The following MIA2 variants were observed in gnomAD, a reference collection of about 807,000 sequenced individuals.
MIA2 encodes MIA SH3 domain ER export factor 2.
A neutral mutation model predicts 167.8 loss-of-function variants in MIA2; 127 were observed. The observed-to-expected ratio is 0.76, with a 90% CI of 0.66 to 0.88. MIA2 has a LOEUF of 0.88. Among genes scored for constraint, MIA2 ranks in the 40% least tolerant of loss-of-function variants. MIA2 has a pLI of 0.00. For missense variants in MIA2, 1,690 were observed against 1,624.7 expected, an observed-to-expected ratio of 1.04 and a Z score of -0.69; for synonymous variants, 552 against 541.9, an observed-to-expected ratio of 1.02 and a Z score of -0.26.
intron 19 of MIA2, among the ~76,000 whole-genome samples, chr14:39,313,936 A>T (rs1439877220): frequency 6.6e-6 from 1 of 152,208 alleles, no homozygotes; most frequent in Non-Finnish European, 1.5e-5. Context: ...AGAAAAAAAG[A>T]TTCAGCAGTA....
intron 23 of MIA2, among the ~76,000 whole-genome samples, chr14:39,382,123 C>T (rs551698969): frequency 1.3e-4 from 20 of 152,288 alleles, no homozygotes; most frequent in Admixed American, 2.6e-4. Context: ...TGCTCTCCAT[C>T]GTCAGGGAAG....
chr14:39,365,247 G>A (rs2074794490), intron 23 of MIA2, among the ~76,000 whole-genome samples: 1 of 151,996 alleles, frequency 6.6e-6, no homozygotes, highest in Admixed American at 6.6e-5. Context: ...TGTATCTTTA[G>A]TAGAGACGGG....
In MIA2 at chr14:39,247,551, G is replaced by A; in HGVS notation, c.977G>A (p.Gly326Glu). ...SYLGFGDEDT[G>E]LELIAEESNP... ...TTAGGTTTTGGAGATGAGGATACAG[G>A]GCTTGAATTAATAGCTGAAGAAAGC... Residue 326 changes from glycine (G) to glutamate (E), a missense_variant, in exon 4 of 29, where the codon GGG becomes GAG. By Grantham distance (98) the Gly-to-Glu change is moderately conservative. Transcript: ENST00000640607. 1 of 1,613,964 alleles carries A rather than the reference G, an allele frequency of 6.2e-7. No homozygotes were observed. Among genetic ancestry groups the A allele is most frequent in the South Asian group, 1.1e-5 (1 of 91,060 alleles).
At chr14:39,330,943 TG>T (rs1244421444) in intron 25 of MIA2, among the ~76,000 whole-genome samples, 1 of 152,124 alleles carries the variant, frequency 6.6e-6, no homozygotes. Context: ...TTTGTTGATT[TG>T]GGGTGGAGAG....
At chr14:39,263,369 C>T (rs910006415) in intron 6 of MIA2, among the ~76,000 whole-genome samples, 28 of 149,424 alleles carry the variant, frequency 1.9e-4, no homozygotes, top group African/African-American at 6.8e-4. Context: ...ATAAAGCCAA[C>T]TTGATCTTGA....
intron 23 of MIA2, among the ~76,000 whole-genome samples, chr14:39,359,992 G>GTTTTTTTTTTT (rs58076493): frequency 7.0e-5 from 9 of 128,818 alleles, no homozygotes; most frequent in Non-Finnish European, 1.0e-4. Flanking sequence ...TCTGCAGCAT[G>GTTTTTTTTTTT]TTTTTTTTTT....
intron 25 of MIA2, among the ~76,000 whole-genome samples, chr14:39,341,130 C>T (rs1325029490): frequency 2.0e-5 from 3 of 151,926 alleles, no homozygotes; most frequent in Non-Finnish European, 1.5e-5. Flanking sequence ...GGTGAAACTC[C>T]GTCTCTACTA....
At chr14:39,346,493 C>T (rs2073280661) in intron 26 of MIA2, among the ~76,000 whole-genome samples, 1 of 151,974 alleles carries the variant, frequency 6.6e-6, no homozygotes, top group South Asian at 2.1e-4. Flanking sequence ...ATTTGTCAGG[C>T]TGTCTTTTAC....
At position 39,247,216 on chromosome 14, in the gene MIA2, C is replaced by T. The variant is rs150761357; in HGVS notation, c.642C>T (p.Val214=). The change falls in exon 4 of 29, where the codon GTC becomes GTT. Residue 214 remains valine, a synonymous_variant. Transcript: ENST00000640607. ...AGGATCGTATTCCAGAAGTGCATGT[C>T]CCACCATCTTCAGCTGTGTCTGGAG... ...MEQDRIPEVH[V]PPSSAVSGVK... 1.2e-3 allele frequency: 1,942 copies of T among 1,613,966 alleles called. No homozygotes were observed. The highest frequency in any genetic ancestry group is 1.5e-3 in the Non-Finnish European group (1,755 of 1,180,034).
chr14:39,329,381 A>G (rs1257557101), intron 25 of MIA2, among the ~76,000 whole-genome samples: 1 of 152,150 alleles, frequency 6.6e-6, no homozygotes, highest in Admixed American at 6.5e-5. Context: ...GGTTTTCTAA[A>G]TATACAATCA....
intron 3 of MIA2, among the ~76,000 whole-genome samples, chr14:39,246,489 A>G (rs1487352829): frequency 6.6e-6 from 1 of 152,180 alleles, no homozygotes; most frequent in Non-Finnish European, 1.5e-5. Context: ...AAGCTGAGGC[A>G]GGATGAATGC....
intron 23 of MIA2, among the ~76,000 whole-genome samples, chr14:39,359,249 T>G (rs2074615693): frequency 6.6e-6 from 1 of 152,196 alleles, no homozygotes; most frequent in Non-Finnish European, 1.5e-5. Flanking sequence ...GCCTCAGCAA[T>G]GGCGGGCACC....
At chr14:39,238,811 A>AAAAAAAAAAAAAAAACAAAAC in intron 2 of MIA2, among the ~76,000 whole-genome samples, 3 of 103,634 alleles carry the variant, frequency 2.9e-5, no homozygotes, top group African/African-American at 1.2e-4. Flanking sequence ...AAAAAAAAAA[A>AAAAAAAAAAAAAAAACAAAAC]CCCAAAAAAC....
At chr14:39,245,724 G>A (rs181876150) in intron 3 of MIA2, among the ~76,000 whole-genome samples, 123 of 152,274 alleles carry the variant, frequency 8.1e-4, no homozygotes, top group African/African-American at 1.9e-3. Flanking sequence ...CAAGACAGGC[G>A]CTGAACTGGT....
intron 24 of MIA2, 149 bp from the exon 25 acceptor site, chr14:39,326,715 T>C: frequency 2.3e-6 from 1 of 439,400 alleles, no homozygotes; most frequent in Non-Finnish European, 3.8e-6. Context: ...ACATCAGGCA[T>C]AGGAATCATA....
In MIA2 at chr14:39,320,932, TTCCCCATATGG is replaced by T; in HGVS notation, c.3377_3387del (p.Pro1126LeufsTer9). The stretch of plus-strand genomic sequence containing the variant: ...ATGCTGTTTTAATTATTCCAGAGCA[TTCCCCATATGG>T]TCCCTCACCATTGGGTTGGCCTTCA... On this transcript the variant is annotated frameshift_variant, in exon 24 of 29. Coordinates refer to ENST00000640607, the MANE Select transcript of MIA2 (RefSeq NM_001329214.4). LOFTEE classifies it high-confidence loss of function. 1 of 1,612,626 alleles carries T rather than the reference TTCCCCATATGG, an allele frequency of 6.2e-7. No homozygotes were observed. The highest frequency in any genetic ancestry group is 1.3e-5 in the African/African-American group (1 of 74,936).
At chr14:39,379,876 C>G (rs535391534) in intron 23 of MIA2, among the ~76,000 whole-genome samples, 1 of 151,870 alleles carries the variant, frequency 6.6e-6, no homozygotes, top group South Asian at 2.1e-4. Flanking sequence ...CCTTAAATTA[C>G]CTTAAATTAA....
At chr14:39,249,916 T>C (rs1165126833) in intron 4 of MIA2, among the ~76,000 whole-genome samples, 1 of 152,204 alleles carries the variant, frequency 6.6e-6, no homozygotes, top group East Asian at 1.9e-4. Flanking sequence ...TAACATTCCC[T>C]AAAATGTGAG....
At chr14:39,283,456 A>C (rs1173605247) in intron 9 of MIA2, among the ~76,000 whole-genome samples, 2 of 152,194 alleles carry the variant, frequency 1.3e-5, no homozygotes, top group Non-Finnish European at 2.9e-5. Flanking sequence ...TCAATGTTAT[A>C]ATGAAACAAT....
Sources: allele counts gnomAD v4.1 joint callset (sites outside exome capture counted in the v4.1 genomes callset), GRCh38; gene constraint gnomAD v4.1.1; transcripts MANE v1.5; gene names NCBI Gene and HGNC (gene_info 2026-07-23, HGNC 2026-07-21).